The following DOCK1 variants were observed in gnomAD, a reference collection of about 807,000 sequenced individuals.
DOCK1 encodes dedicator of cytokinesis protein 1.
A neutral mutation model predicts 262.7 loss-of-function variants in DOCK1; 138 were observed. The observed-to-expected ratio is 0.53, with a 90% CI of 0.46 to 0.61. The LOEUF (loss-of-function observed/expected upper bound fraction) is 0.61, where lower values mean the gene tolerates loss of function less well. DOCK1 is among the 20% of genes least tolerant of loss of function. DOCK1 has a pLI of 0.00. For missense variants in DOCK1, 1,908 were observed against 2,370.7 expected (o/e 0.80, Z 4.05); for synonymous variants, 866 against 867.4 (o/e 1.00, Z 0.03).
intron 23 of DOCK1, among the ~76,000 whole-genome samples, chr10:127,097,662 C>T (rs902273681): frequency 6.6e-6 from 1 of 152,132 alleles, no homozygotes; most frequent in African/African-American, 2.4e-5. Context: ...AAAGCTTTAC[C>T]AAGTTGATAG....
intron 40 of DOCK1, among the ~76,000 whole-genome samples, chr10:127,408,456 C>G (rs1461003137): frequency 2.0e-5 from 3 of 152,222 alleles, no homozygotes; most frequent in Admixed American, 6.5e-5. Context: ...AACTTAGTAG[C>G]TCTCGGCTCT....
rs2038061533 is a variant in DOCK1, at chr10:126,970,980, AG to A, written c.130+197del. On this transcript the variant is annotated intron_variant, in intron 2 of 51. Coordinates refer to ENST00000623213, the MANE Select transcript of DOCK1 (RefSeq NM_001290223.2). Reference sequence around the variant, plus strand: ...GAGGCTGTTGTTTAATACTTTCTGAAGGTGAACTTAAAACTGAAATTCCCAT... The same window carrying A: ...GAGGCTGTTGTTTAATACTTTCTGAAGTGAACTTAAAACTGAAATTCCCAT... Among the ~76,000 whole-genome samples the A allele has an allele frequency of 2.0e-5, 3 of 152,100 alleles. No individual in the cohort carries two copies. In the South Asian group the frequency reaches 6.2e-4, roughly 32 times the overall value.
At chr10:127,347,027 G>A (rs1262686531) in intron 31 of DOCK1, among the ~76,000 whole-genome samples, 3 of 152,202 alleles carry the variant, frequency 2.0e-5, no homozygotes, top group South Asian at 2.1e-4. Flanking sequence ...ACGTGTGGAG[G>A]GTCAGCCCTA....
intron 35 of DOCK1, among the ~76,000 whole-genome samples, chr10:127,378,609 C>T (rs2065654222): frequency 6.6e-6 from 1 of 151,942 alleles, no homozygotes; most frequent in African/African-American, 2.4e-5. Context: ...TTCGTATCTC[C>T]GAGAGAGGAA....
chr10:127,259,588 C>A (rs1164979762), intron 29 of DOCK1, among the ~76,000 whole-genome samples: 1 of 152,100 alleles, frequency 6.6e-6, no homozygotes, highest in Non-Finnish European at 1.5e-5. Context: ...CCTCTTGACT[C>A]CTCTACGTGT....
At chr10:127,302,145 C>G (rs2061703678) in intron 29 of DOCK1, among the ~76,000 whole-genome samples, 7 of 151,844 alleles carry the variant, frequency 4.6e-5, no homozygotes, top group Admixed American at 4.6e-4. Context: ...GCCTGTGTTT[C>G]CTGCTTCTGG....
At chr10:127,364,827 T>TCTTCCTTCTTTCCTCC (rs541218261) in intron 33 of DOCK1, among the ~76,000 whole-genome samples, 1 of 152,032 alleles carries the variant, frequency 6.6e-6, no homozygotes, top group East Asian at 1.9e-4. Flanking sequence ...TCCCTCCCTT[T>TCTTCCTTCTTTCCTCC]CTTCCTTCTT....
At chr10:126,979,939 C>T (rs2038830226) in intron 3 of DOCK1, among the ~76,000 whole-genome samples, 1 of 152,182 alleles carries the variant, frequency 6.6e-6, no homozygotes, top group Non-Finnish European at 1.5e-5. Context: ...TCCAGCCTCA[C>T]TCAGTCATTA....
chr10:127,402,311 T>G (rs954643662), intron 38 of DOCK1, among the ~76,000 whole-genome samples: 5 of 152,074 alleles, frequency 3.3e-5, no homozygotes, highest in Non-Finnish European at 7.4e-5. Context: ...CTGGAAGAGG[T>G]GGTTCCTCTT....
chr10:127,052,939 C>T, intron 22 of DOCK1, 124 bp downstream of exon 22: 3 of 1,426,490 alleles, frequency 2.1e-6, no homozygotes, highest in Non-Finnish European at 9.4e-7. Flanking sequence ...TTCCCCCTTG[C>T]TTTCTAGGCT....
intron 27 of DOCK1, among the ~76,000 whole-genome samples, chr10:127,191,672 A>G (rs2056766696): frequency 1.3e-5 from 2 of 152,196 alleles, no homozygotes; most frequent in African/African-American, 4.8e-5. Context: ...CAGTGGAATG[A>G]CCTAGAAACA....
intron 27 of DOCK1, among the ~76,000 whole-genome samples, chr10:127,158,851 T>G (rs1273931283): frequency 6.6e-6 from 1 of 152,166 alleles, no homozygotes; most frequent in Admixed American, 6.5e-5. Context: ...AAACATCGCA[T>G]TCAGCACCAG....
intron 1 of DOCK1, among the ~76,000 whole-genome samples, chr10:126,934,757 T>TG (rs1386194531): frequency 1.9e-5 from 2 of 105,164 alleles, no homozygotes; most frequent in African/African-American, 5.5e-5. Flanking sequence ...GTTTTTTTTT[T>TG]TTTTTTTTTT....
At chr10:126,921,700 T>A (rs533004816) in intron 1 of DOCK1, among the ~76,000 whole-genome samples, 1 of 152,238 alleles carries the variant, frequency 6.6e-6, no homozygotes, top group African/African-American at 2.4e-5. Flanking sequence ...TTCCCCAGGC[T>A]GGAGTGCAGT....
At chr10:127,027,760 T>G (rs1048896354) in intron 16 of DOCK1, among the ~76,000 whole-genome samples, 6 of 150,600 alleles carry the variant, frequency 4.0e-5, no homozygotes, top group African/African-American at 1.5e-4. Flanking sequence ...TTCTGGGGCC[T>G]GGCCTGCCCT....
At chr10:127,327,091 T>A (rs2062776865) in intron 29 of DOCK1, among the ~76,000 whole-genome samples, 1 of 152,252 alleles carries the variant, frequency 6.6e-6, no homozygotes, top group South Asian at 2.1e-4. Context: ...TTTAGCATAA[T>A]TCTTAAGGGC....
At chr10:127,004,583 T>TA (rs938119285) in intron 10 of DOCK1, among the ~76,000 whole-genome samples, 1 of 151,798 alleles carries the variant, frequency 6.6e-6, no homozygotes, top group Non-Finnish European at 1.5e-5. Flanking sequence ...TCGTCTCTAC[T>TA]AAAAAATACA....
chr10:127,318,116 G>T (rs1422928961), intron 29 of DOCK1, among the ~76,000 whole-genome samples: 1 of 152,186 alleles, frequency 6.6e-6, no homozygotes, highest in Non-Finnish European at 1.5e-5. Context: ...GCTAAGTTCA[G>T]TGATATTCAA....
intron 27 of DOCK1, among the ~76,000 whole-genome samples, chr10:127,172,549 A>G (rs914961051): frequency 6.6e-6 from 1 of 152,036 alleles, no homozygotes; most frequent in Admixed American, 6.5e-5. Flanking sequence ...CAGCCAAATT[A>G]ATGACCCTGG....
Sources: allele counts gnomAD v4.1 joint callset (sites outside exome capture counted in the v4.1 genomes callset), GRCh38; gene constraint gnomAD v4.1.1; transcripts MANE v1.5; gene names NCBI Gene and HGNC (gene_info 2026-07-23, HGNC 2026-07-21).